The following GRIP1 variants were observed in gnomAD, a reference collection of about 807,000 sequenced individuals.
GRIP1 encodes glutamate receptor-interacting protein 1.
A neutral mutation model predicts 129.9 loss-of-function variants in GRIP1; 45 were observed. The observed-to-expected ratio is 0.35, with a 90% CI of 0.27 to 0.44. The LOEUF is 0.44. GRIP1 is among the 20% of genes least tolerant of loss of function. The pLI is 1.00. For missense variants in GRIP1, 1,196 were observed against 1,396.8 expected (o/e 0.86, Z 2.29); for synonymous variants, 530 against 520.8 (o/e 1.02, Z -0.24).
At chr12:66,599,176 G>A (rs562015880) in intron 1 of GRIP1, among the ~76,000 whole-genome samples, 1 of 152,290 alleles carries the variant, frequency 6.6e-6, no homozygotes, top group Non-Finnish European at 1.5e-5. Context: ...CCAGTATCAA[G>A]AGTGAACTTA....
At chr12:66,938,151 G>A (rs915683321) in intron 1 of GRIP1, among the ~76,000 whole-genome samples, 6 of 152,146 alleles carry the variant, frequency 3.9e-5, no homozygotes, top group African/African-American at 1.4e-4. Context: ...GCCAAGGCAG[G>A]CGGATTGCAA....
At chr12:66,574,650 T>C (rs146274539) in intron 2 of GRIP1, among the ~76,000 whole-genome samples, 3 of 152,370 alleles carry the variant, frequency 2.0e-5, no homozygotes, top group East Asian at 3.9e-4. Flanking sequence ...CAATATTTCA[T>C]TAACATCTTC....
chr12:66,440,481 C>T (rs772021174), intron 13 of GRIP1, among the ~76,000 whole-genome samples: 2 of 152,208 alleles, frequency 1.3e-5, no homozygotes, highest in Non-Finnish European at 2.9e-5. Flanking sequence ...TTCCAAGCCT[C>T]TGGTAACCAT....
chr12:66,945,622 C>T (rs2041656281), intron 1 of GRIP1, among the ~76,000 whole-genome samples: 1 of 152,156 alleles, frequency 6.6e-6, no homozygotes, highest in Admixed American at 6.5e-5. Flanking sequence ...TGAGAACTCA[C>T]CTACTATTGC....
At chr12:66,966,317 T>C (rs907378182) in intron 1 of GRIP1, among the ~76,000 whole-genome samples, 4 of 152,172 alleles carry the variant, frequency 2.6e-5, no homozygotes, top group African/African-American at 9.6e-5. Context: ...TTCAGCAGTT[T>C]TAGATTTATA....
intron 7 of GRIP1, among the ~76,000 whole-genome samples, chr12:66,503,620 T>C (rs117828918): frequency 0.043 from 6,595 of 152,264 alleles, 182 homozygotes; most frequent in South Asian, 0.072. Flanking sequence ...GAGGCAAGAA[T>C]CGAGGTTGCT....
chr12:66,654,173 A>T (rs11833708), intron 1 of GRIP1, among the ~76,000 whole-genome samples: 5,512 of 152,288 alleles, frequency 0.036, 357 homozygotes, highest in African/African-American at 0.13. Flanking sequence ...AGCAGTGATA[A>T]GGGAGACAAC....
intron 1 of GRIP1, among the ~76,000 whole-genome samples, chr12:66,928,759 T>C (rs988673030): frequency 6.6e-6 from 1 of 152,240 alleles, no homozygotes; most frequent in Non-Finnish European, 1.5e-5. Context: ...ATCTTAAAAA[T>C]GCAAGAGGAA....
At chr12:66,966,627 T>A (rs554943727) in intron 1 of GRIP1, among the ~76,000 whole-genome samples, 9 of 152,324 alleles carry the variant, frequency 5.9e-5, no homozygotes, top group Admixed American at 1.3e-4. Context: ...GAGATTTCCG[T>A]TGGTTTTAAT....
chr12:66,791,985 G>A (rs1398166229), intron 1 of GRIP1, among the ~76,000 whole-genome samples: 2 of 152,242 alleles, frequency 1.3e-5, no homozygotes, highest in East Asian at 3.9e-4. Flanking sequence ...GACTGGTAGG[G>A]AATTGAAGGG....
chr12:66,847,056 A>T (rs2137066826), intron 1 of GRIP1, among the ~76,000 whole-genome samples: 1 of 152,288 alleles, frequency 6.6e-6, no homozygotes, highest in Non-Finnish European at 1.5e-5. Flanking sequence ...GAGGCGTGGA[A>T]TTAATCAGCT....
At chr12:66,491,941 T>G (rs983008797) in intron 7 of GRIP1, among the ~76,000 whole-genome samples, 2 of 152,172 alleles carry the variant, frequency 1.3e-5, no homozygotes, top group Admixed American at 1.3e-4. Context: ...CGGGGCTGGA[T>G]AAGTGATTCA....
intron 7 of GRIP1, among the ~76,000 whole-genome samples, chr12:66,475,206 C>T (rs2059567715): frequency 1.3e-5 from 2 of 152,214 alleles, no homozygotes; most frequent in Non-Finnish European, 2.9e-5. Flanking sequence ...AGACTTTAAA[C>T]TAACAAAGAT....
At chr12:66,522,348 T>TCCGCTGTTCTACAGCCA (rs1455852102) in intron 5 of GRIP1, among the ~76,000 whole-genome samples, 10 of 151,782 alleles carry the variant, frequency 6.6e-5, no homozygotes, top group Non-Finnish European at 1.0e-4. Context: ...ATCACCAATA[T>TCCGCTGTTCTACAGCCA]CCGCTGTTCT....
In GRIP1 at chr12:66,386,530, A is replaced by T. The variant is rs1592741626; in HGVS notation, c.2464+5778T>A. On this transcript the variant is annotated intron_variant, in intron 19 of 24. Coordinates refer to ENST00000359742, the MANE Select transcript of GRIP1 (RefSeq NM_001366722.1). ...GCGCCTGTAGTCCCAGCTACTCGGG[A>T]GGCTGAGGCAGGAGAATGGCATGAA... Among the ~76,000 whole-genome samples the T allele has an allele frequency of 3.9e-5, 6 of 152,248 alleles. No homozygotes were observed. The South Asian group carries it at 1.2e-3, about 32-fold the overall frequency.
At chr12:66,691,154 C>A (rs74098236) in intron 1 of GRIP1, among the ~76,000 whole-genome samples, 4,998 of 152,278 alleles carry the variant, frequency 0.033, 273 homozygotes, top group African/African-American at 0.11. Flanking sequence ...CACCACTCAA[C>A]TCCAGTGCAA....
At chr12:66,734,110 T>C (rs1380422434) in intron 1 of GRIP1, among the ~76,000 whole-genome samples, 4 of 152,228 alleles carry the variant, frequency 2.6e-5, no homozygotes, top group Non-Finnish European at 4.4e-5. Flanking sequence ...ATGCTACGTA[T>C]GTTAGGCTCT....
intron 1 of GRIP1, among the ~76,000 whole-genome samples, chr12:66,779,203 T>C (rs1228093072): frequency 6.6e-6 from 1 of 152,196 alleles, no homozygotes; most frequent in Non-Finnish European, 1.5e-5. Context: ...CAGGTCAATA[T>C]GGCAGGTTTT....
intron 13 of GRIP1, among the ~76,000 whole-genome samples, chr12:66,437,754 T>G (rs768325463): frequency 1.3e-5 from 2 of 152,248 alleles, no homozygotes; most frequent in African/African-American, 2.4e-5. Flanking sequence ...TGGGTGCTGC[T>G]GAATGTTCTA....
Sources: gnomAD v4.1 joint callset for allele counts (sites outside exome capture counted in the v4.1 genomes callset) on GRCh38, gnomAD v4.1.1 for gene constraint, MANE v1.5 for transcripts, NCBI Gene and HGNC (gene_info 2026-07-23, HGNC 2026-07-21) for gene names.